Variants in PREX2 observed in about 807,000 individuals in gnomAD.
PREX2 encodes phosphatidylinositol-3,4,5-trisphosphate dependent Rac exchange factor 2.
PREX2 carries 107 observed loss-of-function variants against 203.2 expected under a neutral mutation model. The ratio of observed to expected loss-of-function variants is 0.53; its 90% CI spans 0.45 to 0.62. PREX2 has a LOEUF of 0.62. PREX2 is among the 20% of genes least tolerant of loss of function. The pLI is 0.00. For synonymous variants in PREX2, 672 were observed against 663.6 expected (o/e 1.01, Z -0.19); for missense variants, 1,777 against 1,955.9 (o/e 0.91, Z 1.72).
At chr8:68,163,126 G>C (rs1811686017) in intron 35 of PREX2, among the ~76,000 whole-genome samples, 1 of 152,064 alleles carries the variant, frequency 6.6e-6, no homozygotes, top group Non-Finnish European at 1.5e-5. Context: ...AGCCAGTTTG[G>C]TGTTATAGAC....
At chr8:68,108,544 A>C (rs538458240) in intron 24 of PREX2, among the ~76,000 whole-genome samples, 1 of 152,318 alleles carries the variant, frequency 6.6e-6, no homozygotes, top group East Asian at 1.9e-4. Flanking sequence ...TTTTCTTCTA[A>C]GAAGGATGAT....
chr8:68,071,664 G>A (rs989070181), intron 13 of PREX2, among the ~76,000 whole-genome samples: 4 of 152,150 alleles, frequency 2.6e-5, no homozygotes, highest in African/African-American at 9.7e-5. Flanking sequence ...TGGTTTCTCA[G>A]TTCTGGGAAA....
At chr8:68,040,662 G>A (rs1410728067) in intron 7 of PREX2, among the ~76,000 whole-genome samples, 4 of 152,004 alleles carry the variant, frequency 2.6e-5, no homozygotes, top group East Asian at 1.9e-4. Context: ...TATCAATATC[G>A]GGAAAGCACT....
At chr8:68,128,990 TGA>T (rs1440388230) in intron 31 of PREX2, among the ~76,000 whole-genome samples, 13 of 152,226 alleles carry the variant, frequency 8.5e-5, no homozygotes, top group African/African-American at 1.2e-4. Flanking sequence ...CAAAAATATC[TGA>T]GAGTTTCTGA....
rs374082925 is a variant in PREX2 at position 68,182,465 on chromosome 8, A to G, written c.4347-9257A>G. ...ACTTTCCTTTAAGTATTATGTTTCA[A>G]TGTTAATGGAGTTGTAGCTAATATT... On this transcript the variant is annotated intron_variant, in intron 35 of 39. Coordinates refer to ENST00000288368, the MANE Select transcript of PREX2 (RefSeq NM_024870.4). Among the ~76,000 whole-genome samples the G allele has an allele frequency of 2.6e-5, 4 of 152,218 alleles. No individual in the cohort carries two copies. In the East Asian group the frequency reaches 5.8e-4, roughly 22 times the overall value.
At chr8:68,123,844 G>C (rs931511773) in intron 30 of PREX2, among the ~76,000 whole-genome samples, 3 of 151,568 alleles carry the variant, frequency 2.0e-5, no homozygotes, top group Non-Finnish European at 4.4e-5. Flanking sequence ...GTACACAGAA[G>C]AGCTGGTACA....
Position 68,214,639 on chromosome 8 carries a change from T to C in PREX2, c.4605-2977T>C, listed in dbSNP as rs891646361. Among the ~76,000 whole-genome samples the C allele has an allele frequency of 6.4e-4, 98 of 152,234 alleles. 1 individual carries two copies. Among genetic ancestry groups the C allele is most frequent in the Non-Finnish European group, 1.4e-3 (93 of 68,040 alleles). On this transcript the variant is annotated intron_variant, in intron 37 of 39. Coordinates refer to ENST00000288368, the MANE Select transcript of PREX2 (RefSeq NM_024870.4). ...CCAGCATCAGAATGTTTCTTGCAGA[T>C]GCTGATTTTTTCCACTTGACATTCA... is the stretch of plus-strand genomic sequence containing the variant.
At chr8:68,030,029 CTTTG>C (rs544276683) in intron 5 of PREX2, among the ~76,000 whole-genome samples, 129 of 151,978 alleles carry the variant, frequency 8.5e-4, no homozygotes, top group African/African-American at 3.0e-3. Context: ...TAAAATTTTA[CTTTG>C]TTTATGACAT....
intron 35 of PREX2, among the ~76,000 whole-genome samples, chr8:68,185,267 C>T (rs569554380): frequency 6.6e-6 from 1 of 151,844 alleles, no homozygotes; most frequent in South Asian, 2.1e-4. Flanking sequence ...AATTACAAAT[C>T]TTTGGTTTGA....
chr8:68,200,245 GA>G (rs2129614870), intron 37 of PREX2, among the ~76,000 whole-genome samples: 1 of 151,968 alleles, frequency 6.6e-6, no homozygotes, highest in South Asian at 2.1e-4. Context: ...CTTTGGAATG[GA>G]AAAAAGAAAA....
intron 35 of PREX2, among the ~76,000 whole-genome samples, chr8:68,168,169 G>A (rs12682041): frequency 6.6e-6 from 1 of 151,992 alleles, no homozygotes; most frequent in Non-Finnish European, 1.5e-5. Context: ...TTTGATACAT[G>A]TACTACGTTT....
chr8:67,985,336 T>C (rs2129609320), intron 1 of PREX2, among the ~76,000 whole-genome samples: 1 of 151,636 alleles, frequency 6.6e-6, no homozygotes, highest in East Asian at 1.9e-4. Context: ...TAAGGATTGT[T>C]TCTTATAATT....
chr8:68,229,788 C>T (rs904656554), intron 39 of PREX2, among the ~76,000 whole-genome samples: 2 of 152,150 alleles, frequency 1.3e-5, no homozygotes. Flanking sequence ...CCCATTGTGC[C>T]TTTTCAATCA....
chr8:68,230,514 G>A (rs1478747255), intron 39 of PREX2, among the ~76,000 whole-genome samples: 1 of 152,170 alleles, frequency 6.6e-6, no homozygotes, highest in Non-Finnish European at 1.5e-5. Context: ...ATGGCCTTGA[G>A]ATCACTAGGG....
chr8:68,196,722 C>A (rs947992221), intron 37 of PREX2, among the ~76,000 whole-genome samples: 1 of 143,614 alleles, frequency 7.0e-6, no homozygotes, highest in African/African-American at 2.8e-5. Context: ...ATGTATGGCA[C>A]CTCCCCCCCC....
At chr8:68,072,208 G>A (rs2129611655) in intron 13 of PREX2, among the ~76,000 whole-genome samples, 1 of 152,204 alleles carries the variant, frequency 6.6e-6, no homozygotes, top group South Asian at 2.1e-4. Flanking sequence ...AGCTAATATA[G>A]CAGTAATAAT....
intron 1 of PREX2, among the ~76,000 whole-genome samples, chr8:67,990,833 G>T (rs374729621): frequency 1.3e-5 from 2 of 152,062 alleles, no homozygotes; most frequent in African/African-American, 4.8e-5. Context: ...TTGATGTGCC[G>T]CCAGGGATAA....
intron 37 of PREX2, among the ~76,000 whole-genome samples, chr8:68,215,630 G>T (rs1812820377): frequency 6.6e-6 from 1 of 151,978 alleles, no homozygotes; most frequent in Non-Finnish European, 1.5e-5. Context: ...CGCCTCCTGA[G>T]TTCACGCCCT....
At chr8:68,138,708 A>G (rs1811161452) in intron 33 of PREX2, among the ~76,000 whole-genome samples, 191 bp downstream of exon 33, 1 of 152,176 alleles carries the variant, frequency 6.6e-6, no homozygotes, top group Non-Finnish European at 1.5e-5. Flanking sequence ...ATAAGTAGCA[A>G]TATGTATGGT....
Sources: allele counts gnomAD v4.1 joint callset (sites outside exome capture counted in the v4.1 genomes callset), GRCh38; gene constraint gnomAD v4.1.1; transcripts MANE v1.5; gene names NCBI Gene and HGNC (gene_info 2026-07-23, HGNC 2026-07-21).